Variants in UBE2N observed in about 807,000 individuals in gnomAD.
UBE2N encodes ubiquitin conjugating enzyme E2 N.
For synonymous variants in UBE2N, 70 were observed against 69.2 expected (o/e 1.01, Z -0.06); for missense variants, 60 against 192.1 (o/e 0.31, Z 4.07).
chr12:93,416,784 G>A (rs1484421811), intron 1 of UBE2N, among the ~76,000 whole-genome samples: 2 of 149,884 alleles, frequency 1.3e-5, no homozygotes, highest in South Asian at 4.2e-4. Context: ...GGAGGCTGAG[G>A]CAGGCAGGGG....
intron 1 of UBE2N, among the ~76,000 whole-genome samples, chr12:93,422,624 G>A (rs1878451396): frequency 6.6e-6 from 1 of 152,156 alleles, no homozygotes; most frequent in South Asian, 2.1e-4. Flanking sequence ...CCTGTTTTAT[G>A]TGGTGAACAC....
chr12:93,410,487 CTCAG>C, intron 3 of UBE2N: 2 of 592,006 alleles, frequency 3.4e-6, no homozygotes, highest in African/African-American at 3.7e-5. Context: ...ATGGTATGCA[CTCAG>C]TATTTGTTAA....
intron 1 of UBE2N, chr12:93,429,201 C>T (rs1191527208): frequency 1.5e-5 from 5 of 329,702 alleles, no homozygotes; most frequent in East Asian, 1.0e-4. Flanking sequence ...ACCCAGGAGG[C>T]GGAGGTTGCA....
At chr12:93,413,051 TCTC>T (rs1220271572) in intron 1 of UBE2N, among the ~76,000 whole-genome samples, 3 of 152,320 alleles carry the variant, frequency 2.0e-5, no homozygotes, top group East Asian at 1.9e-4. Context: ...CTCCAATTTC[TCTC>T]CTCCTCTTCT....
At chr12:93,416,608 G>C (rs1037843361) in intron 1 of UBE2N, among the ~76,000 whole-genome samples, 4 of 152,072 alleles carry the variant, frequency 2.6e-5, no homozygotes, top group Non-Finnish European at 4.4e-5. Context: ...ATGTTAGCCA[G>C]GCAGGTCTCG....
At chr12:93,416,857 C>CAAAAAAAAA (rs4020452) in intron 1 of UBE2N, among the ~76,000 whole-genome samples, 3 of 88,562 alleles carry the variant, frequency 3.4e-5, no homozygotes, top group East Asian at 3.3e-4. Context: ...CCATCACTAC[C>CAAAAAAAAA]AAAAAAAAAA....
chr12:93,410,246 A>C (rs1440679204), intron 3 of UBE2N, 167 bp from the exon 4 acceptor site: 1 of 597,148 alleles, frequency 1.7e-6, no homozygotes, highest in Non-Finnish European at 2.8e-6. Flanking sequence ...GATTTTGTAA[A>C]TGTCCAATTA....
chr12:93,439,893 T>TACG (rs397802015), intron 1 of UBE2N, among the ~76,000 whole-genome samples: 2 of 151,756 alleles, frequency 1.3e-5, no homozygotes, highest in African/African-American at 2.4e-5. Flanking sequence ...TATGAGTTAC[T>TACG]GTCTTAGTTT....
intron 1 of UBE2N, 59 bp from the exon 2 acceptor site, chr12:93,411,358 G>A (rs981999198): frequency 1.3e-6 from 2 of 1,536,646 alleles, no homozygotes; most frequent in Non-Finnish European, 1.7e-6. Flanking sequence ...GACACCAAAA[G>A]TAAAATTAGA....
chr12:93,414,448 CAAAAA>C (rs398020640), intron 1 of UBE2N, among the ~76,000 whole-genome samples: 9,834 of 73,856 alleles, frequency 0.13, 1,141 homozygotes, highest in African/African-American at 0.38. Context: ...AGCTCCGTCT[CAAAAA>C]AAAAAAAAAA....
intron 1 of UBE2N, among the ~76,000 whole-genome samples, chr12:93,431,535 A>G (rs540144724): frequency 2.6e-5 from 4 of 152,348 alleles, no homozygotes; most frequent in East Asian, 1.9e-4. Context: ...ATTAGAATTA[A>G]GTAAATTAAT....
intron 1 of UBE2N, among the ~76,000 whole-genome samples, chr12:93,422,113 G>T (rs555013729): frequency 6.6e-6 from 1 of 152,060 alleles, no homozygotes; most frequent in South Asian, 2.1e-4. Flanking sequence ...TTTTTTCAAA[G>T]ATTTCCAAAT....
intron 1 of UBE2N, among the ~76,000 whole-genome samples, chr12:93,411,794 G>C (rs1878039003): frequency 6.6e-6 from 1 of 152,066 alleles, no homozygotes. Flanking sequence ...CCTGGGCCCA[G>C]GTGATCCTCC....
At chr12:93,431,928 C>T (rs1394336085) in intron 1 of UBE2N, among the ~76,000 whole-genome samples, 1 of 152,148 alleles carries the variant, frequency 6.6e-6, no homozygotes, top group African/African-American at 2.4e-5. Context: ...AACTCTTACT[C>T]TTCAAGTTTA....
chr12:93,438,537 T>C (rs937927480), intron 1 of UBE2N, among the ~76,000 whole-genome samples: 1 of 150,248 alleles, frequency 6.7e-6, no homozygotes, highest in Non-Finnish European at 1.5e-5. Context: ...CGCTCAGAAG[T>C]AGGCATCCCA....
chr12:93,439,224 C>G (rs1255933169), intron 1 of UBE2N, among the ~76,000 whole-genome samples: 1 of 152,218 alleles, frequency 6.6e-6, no homozygotes, highest in African/African-American at 2.4e-5. Context: ...CAGTGGCTCA[C>G]GCCTGTGATC....
intron 1 of UBE2N, among the ~76,000 whole-genome samples, chr12:93,412,679 T>C (rs1355548634): frequency 1.3e-5 from 2 of 152,158 alleles, no homozygotes; most frequent in Non-Finnish European, 2.9e-5. Context: ...TCACATTCTG[T>C]ATTTGTCCTG....
intron 1 of UBE2N, among the ~76,000 whole-genome samples, chr12:93,435,086 G>GA (rs1223022129): frequency 6.6e-6 from 1 of 152,040 alleles, no homozygotes; most frequent in Non-Finnish European, 1.5e-5. Flanking sequence ...CCCCCACCTG[G>GA]AGGTACATAT....
chr12:93,410,939 CCCTCCCACAGA>C (rs1565791343), intron 2 of UBE2N, 65 bp from the exon 3 acceptor site: 1 of 1,613,882 alleles, frequency 6.2e-7, no homozygotes, highest in Non-Finnish European at 8.5e-7. Context: ...TGCTTCACTT[CCCTCCCACAGA>C]CCTCTCTGAT....
Sources: allele counts gnomAD v4.1 joint callset (sites outside exome capture counted in the v4.1 genomes callset), GRCh38; gene constraint gnomAD v4.1.1; transcripts MANE v1.5; gene names NCBI Gene and HGNC (gene_info 2026-07-23, HGNC 2026-07-21).